Variants in TMEM132C observed in about 807,000 individuals in gnomAD.
The protein encoded by TMEM132C is transmembrane protein 132C, also known as protein phosphatase 1, regulatory subunit 152.
Under a neutral mutation model 61.4 loss-of-function variants are expected in TMEM132C, and 29 were observed. The ratio of observed to expected loss-of-function variants is 0.47; its 90% CI spans 0.35 to 0.64. TMEM132C has a LOEUF of 0.64. TMEM132C is among the 30% of genes least tolerant of loss of function. The pLI is 0.00. For missense variants in TMEM132C, 1,408 were observed against 1,476.9 expected (o/e 0.95, Z 0.76); for synonymous variants, 656 against 633.1 (o/e 1.04, Z -0.54).
chr12:128,385,473 G>A lies in TMEM132C; in HGVS notation c.86-29259G>A, dbSNP rs558971333. ...CATAAACGTCAAGTCCTCGCACAGA[G>A]CCTGATACATGGCACATGATGATCA... On this transcript the variant is annotated intron_variant, in intron 1 of 8. Coordinates refer to ENST00000435159, the MANE Select transcript of TMEM132C (RefSeq NM_001136103.3). 3.3e-5 allele frequency among the ~76,000 whole-genome samples: 5 copies of A among 152,238 alleles called. No individual in the cohort carries two copies. The South Asian group carries it at 1.0e-3, about 32-fold the overall frequency.
intron 2 of TMEM132C, among the ~76,000 whole-genome samples, chr12:128,504,098 T>G (rs987680455): frequency 3.9e-5 from 6 of 152,142 alleles, no homozygotes; most frequent in Non-Finnish European, 8.8e-5. Flanking sequence ...GGTGGCTCCA[T>G]GAGAGCCAGT....
chr12:128,518,536 C>A (rs1872794415), intron 2 of TMEM132C, among the ~76,000 whole-genome samples: 1 of 152,180 alleles, frequency 6.6e-6, no homozygotes, highest in South Asian at 2.1e-4. Flanking sequence ...ATGATGAGAC[C>A]TTTCCTCCTC....
At chr12:128,599,065 C>G (rs4882807) in intron 3 of TMEM132C, among the ~76,000 whole-genome samples, 142,478 of 152,176 alleles carry the variant, frequency 0.94, 67,188 homozygotes, top group East Asian at 1. Flanking sequence ...GTGTTTTTTG[C>G]CCTCTGCTTC....
At chr12:128,276,376 C>T (rs993497817) in intron 1 of TMEM132C, among the ~76,000 whole-genome samples, 6 of 152,098 alleles carry the variant, frequency 3.9e-5, no homozygotes, top group African/African-American at 9.7e-5. Context: ...TCAACAATAT[C>T]GGGGAATAGG....
intron 2 of TMEM132C, among the ~76,000 whole-genome samples, chr12:128,427,859 C>G (rs1035704688): frequency 1.3e-5 from 2 of 152,216 alleles, no homozygotes; most frequent in Non-Finnish European, 2.9e-5. Context: ...GCAAGCACTG[C>G]GGACATGCTT....
At chr12:128,568,703 G>A (rs914383511) in intron 3 of TMEM132C, among the ~76,000 whole-genome samples, 2 of 152,126 alleles carry the variant, frequency 1.3e-5, no homozygotes, top group African/African-American at 4.8e-5. Context: ...GACAAGGAGA[G>A]AATGAAGGTG....
intron 1 of TMEM132C, among the ~76,000 whole-genome samples, chr12:128,369,835 G>C (rs1003525057): frequency 6.6e-6 from 1 of 152,156 alleles, no homozygotes; most frequent in Non-Finnish European, 1.5e-5. Flanking sequence ...TTGTGCACAC[G>C]TTTTGGTTCC....
chr12:128,340,106 G>T (rs1872908892), intron 1 of TMEM132C, among the ~76,000 whole-genome samples: 1 of 152,180 alleles, frequency 6.6e-6, no homozygotes, highest in South Asian at 2.1e-4. Flanking sequence ...TTTAGCTGTT[G>T]TTTCTTTTTT....
At chr12:128,604,381 G>A (rs1377177902) in intron 3 of TMEM132C, among the ~76,000 whole-genome samples, 1 of 148,514 alleles carries the variant, frequency 6.7e-6, no homozygotes, top group East Asian at 2.0e-4. Context: ...ATAGATAGAT[G>A]GCTAGATAGA....
chr12:128,305,719 C>A (rs183689907), intron 1 of TMEM132C, among the ~76,000 whole-genome samples: 18 of 152,170 alleles, frequency 1.2e-4, no homozygotes, highest in African/African-American at 4.1e-4. Flanking sequence ...ATTTGCAAAT[C>A]GCCTATTTTA....
intron 1 of TMEM132C, among the ~76,000 whole-genome samples, chr12:128,271,442 T>C (rs1870519038): frequency 6.6e-6 from 1 of 152,170 alleles, no homozygotes; most frequent in East Asian, 1.9e-4. Context: ...AAGATTTTAT[T>C]TCTAGTTTGC....
chr12:128,368,437 C>T (rs1022213931), intron 1 of TMEM132C, among the ~76,000 whole-genome samples: 5 of 152,190 alleles, frequency 3.3e-5, no homozygotes, highest in Admixed American at 6.5e-5. Flanking sequence ...TCTGGGTCTT[C>T]GTTTCTCCCT....
chr12:128,352,316 T>C (rs1873362433), intron 1 of TMEM132C, among the ~76,000 whole-genome samples: 1 of 152,164 alleles, frequency 6.6e-6, no homozygotes, highest in East Asian at 1.9e-4. Flanking sequence ...TCGAGTGAAG[T>C]TGGGGAAAGC....
intron 4 of TMEM132C, among the ~76,000 whole-genome samples, chr12:128,660,115 T>A (rs1484125375): frequency 6.6e-6 from 1 of 152,160 alleles, no homozygotes; most frequent in Non-Finnish European, 1.5e-5. Context: ...TGGCACGTAA[T>A]GCATGCTGCT....
In TMEM132C at chr12:128,574,609, T is replaced by C. The variant is rs369725562; in HGVS notation, c.1121+30506T>C. ...CAATTGTCCTTCCCAGTGGCCCCCT[T>C]CTGGAGGGCAGGCGAGAGACTTCAG... is the stretch of plus-strand genomic sequence containing the variant. On this transcript the variant is annotated intron_variant, in intron 3 of 8. Coordinates refer to ENST00000435159, the MANE Select transcript of TMEM132C (RefSeq NM_001136103.3). Among the ~76,000 whole-genome samples, 399 of 152,332 alleles carry C rather than the reference T, an allele frequency of 2.6e-3. 2 individuals carry two copies. Among genetic ancestry groups the C allele is most frequent in the African/African-American group, 9.4e-3 (392 of 41,574 alleles).
chr12:128,483,487 C>T (rs769221357), intron 2 of TMEM132C, among the ~76,000 whole-genome samples: 68 of 152,008 alleles, frequency 4.5e-4, no homozygotes, highest in Non-Finnish European at 8.4e-4. Flanking sequence ...TTTCTGGGTT[C>T]GTCTTCTTGC....
chr12:128,385,141 C>T (rs942890138), intron 1 of TMEM132C, among the ~76,000 whole-genome samples: 10 of 152,336 alleles, frequency 6.6e-5, no homozygotes, highest in African/African-American at 2.2e-4. Context: ...TGACTGGAGA[C>T]TTGGTTATGG....
At chr12:128,699,989 T>C (rs541007604) in intron 8 of TMEM132C, among the ~76,000 whole-genome samples, 7 of 152,172 alleles carry the variant, frequency 4.6e-5, no homozygotes, top group Admixed American at 3.9e-4. Flanking sequence ...ACTCTCACAT[T>C]TGGGATTAGA....
intron 4 of TMEM132C, among the ~76,000 whole-genome samples, chr12:128,623,763 GCCACACTGCACT>G (rs200719246): frequency 0.02 from 3,022 of 151,988 alleles, 106 homozygotes; most frequent in African/African-American, 0.07. Flanking sequence ...AGCTGAGATT[GCCACACTGCACT>G]CCAGCCTTGG....
Sources: allele counts gnomAD v4.1 joint callset (sites outside exome capture counted in the v4.1 genomes callset), GRCh38; gene constraint gnomAD v4.1.1; transcripts MANE v1.5; gene names NCBI Gene and HGNC (gene_info 2026-07-23, HGNC 2026-07-21).